The following OCA2 variants were observed in gnomAD, a reference collection of about 807,000 sequenced individuals.
The protein encoded by OCA2 is P protein.
In OCA2, 77 loss-of-function variants were observed where a neutral mutation model predicts 100.2. The observed-to-expected ratio is 0.77, with a 90% CI of 0.64 to 0.93. The LOEUF is 0.93. Among genes scored for constraint, OCA2 ranks in the 40% least tolerant of loss-of-function variants. The pLI, the probability that OCA2 is intolerant of heterozygous loss-of-function variation, is 0.00. For synonymous variants in OCA2, 432 were observed against 439.2 expected, an observed-to-expected ratio of 0.98 and a Z score of 0.21; for missense variants, 1,062 against 1,089.1, an observed-to-expected ratio of 0.98 and a Z score of 0.35.
At chr15:27,807,584 C>A (rs2033909384) in intron 23 of OCA2, among the ~76,000 whole-genome samples, 1 of 152,282 alleles carries the variant, frequency 6.6e-6, no homozygotes, top group South Asian at 2.1e-4. Flanking sequence ...GTGTCACATG[C>A]TCCTTTGCTT....
chr15:27,760,388 T>C (rs1049006511), intron 23 of OCA2, among the ~76,000 whole-genome samples: 1 of 151,644 alleles, frequency 6.6e-6, no homozygotes, highest in African/African-American at 2.4e-5. Flanking sequence ...TAATTTAAGT[T>C]CCCATCTTAA....
At chr15:27,816,894 C>CCACT (rs2034323604) in intron 23 of OCA2, among the ~76,000 whole-genome samples, 1 of 152,120 alleles carries the variant, frequency 6.6e-6, no homozygotes, top group Non-Finnish European at 1.5e-5. Context: ...CACTGCCCTC[C>CCACT]GGAGCCACCC....
intron 23 of OCA2, among the ~76,000 whole-genome samples, chr15:27,832,220 A>C (rs2034989048): frequency 6.6e-6 from 1 of 150,674 alleles, no homozygotes; most frequent in Non-Finnish European, 1.5e-5. Context: ...TCCAAACCCT[A>C]CCCCACTGGC....
chr15:28,024,962 G>A, intron 4 of OCA2, 60 bp from the exon 5 acceptor site: 1 of 1,520,954 alleles, frequency 6.6e-7, no homozygotes, highest in Non-Finnish European at 9.1e-7. Flanking sequence ...CCCAGACTCA[G>A]ACACTTTTCT....
At chr15:27,883,044 T>A (rs191873943) in intron 19 of OCA2, among the ~76,000 whole-genome samples, 5 of 152,262 alleles carry the variant, frequency 3.3e-5, no homozygotes, top group Non-Finnish European at 5.9e-5. Flanking sequence ...CTGAGGCTAG[T>A]GCAAGTTCAT....
chr15:27,884,207 C>T (rs925979886), intron 19 of OCA2, among the ~76,000 whole-genome samples: 28 of 152,236 alleles, frequency 1.8e-4, no homozygotes, highest in African/African-American at 6.5e-4. Context: ...TGTGGCGAAA[C>T]CTGTCTCTAC....
chr15:28,024,986 A>G (rs1190607139), intron 4 of OCA2, 84 bp from the exon 5 acceptor site: 1 of 1,232,932 alleles, frequency 8.1e-7, no homozygotes, highest in Non-Finnish European at 1.2e-6. Flanking sequence ...GCCTTGAGTA[A>G]CTTCCATCTC....
intron 23 of OCA2, among the ~76,000 whole-genome samples, chr15:27,834,162 G>A (rs756222714): frequency 2.0e-5 from 3 of 152,186 alleles, no homozygotes; most frequent in Non-Finnish European, 4.4e-5. Context: ...CCAATCCTCA[G>A]GGAGAGAACC....
At chr15:27,805,832 G>A (rs1024934239) in intron 23 of OCA2, among the ~76,000 whole-genome samples, 6 of 152,130 alleles carry the variant, frequency 3.9e-5, no homozygotes, top group Non-Finnish European at 8.8e-5. Context: ...GGCGGGAACA[G>A]CCAGAGCGAG....
chr15:27,824,602 C>CTCTCTCTCTATATATA lies in OCA2; in HGVS notation c.2432+20356_2432+20357insTATATATAGAGAGAGA. Among the ~76,000 whole-genome samples, 148 of 47,592 alleles carry CTCTCTCTCTATATATA rather than the reference C, an allele frequency of 3.1e-3. 5 individuals are homozygous for CTCTCTCTCTATATATA. The highest frequency in any genetic ancestry group is 0.01 in the African/African-American group (64 of 6,324). The allele number at this position is 47,592 out of a possible 152,430, so 31.2% of individuals were successfully genotyped here. ...TTTCTCTCTCTCTCTCTCTCTCTCT[C>CTCTCTCTCTATATATA]TATATATATATATATATATAATATA... On this transcript the variant is annotated intron_variant, in intron 23 of 23. Transcript: ENST00000354638.
At chr15:27,928,460 A>G (rs1355549136) in intron 18 of OCA2, among the ~76,000 whole-genome samples, 2 of 152,196 alleles carry the variant, frequency 1.3e-5, no homozygotes, top group Non-Finnish European at 2.9e-5. Flanking sequence ...CATGATTTTC[A>G]TAGGTCAGAG....
intron 18 of OCA2, chr15:27,950,602 T>C (rs2039994901): frequency 3.9e-6 from 2 of 507,764 alleles, no homozygotes; most frequent in African/African-American, 1.9e-5. Flanking sequence ...GAGAAAGAAA[T>C]GGAGGGGCTG....
At chr15:28,031,321 A>C (rs1306487626) in intron 3 of OCA2, among the ~76,000 whole-genome samples, 1 of 152,140 alleles carries the variant, frequency 6.6e-6, no homozygotes, top group Non-Finnish European at 1.5e-5. Context: ...GATATTTTTT[A>C]TTATTTCAGT....
chr15:27,801,617 G>GA, intron 23 of OCA2, among the ~76,000 whole-genome samples: 1 of 140,186 alleles, frequency 7.1e-6, no homozygotes, highest in East Asian at 2.1e-4. Context: ...AGTTTATCCA[G>GA]AAATGCAAGG....
intron 23 of OCA2, among the ~76,000 whole-genome samples, chr15:27,801,412 T>A (rs2033602850): frequency 6.6e-6 from 1 of 151,342 alleles, no homozygotes; most frequent in Non-Finnish European, 1.5e-5. Flanking sequence ...ATTAGCTGAG[T>A]GTGGCGGCAC....
At chr15:27,729,898 C>T in the OCA2 span, among the ~76,000 whole-genome samples, 194 of 152,328 alleles carry the variant, frequency 1.3e-3, no homozygotes, top group Non-Finnish European at 2.2e-3. Flanking sequence ...TGTGTTTCTA[C>T]TCTAGTGTAC....
intron 23 of OCA2, among the ~76,000 whole-genome samples, chr15:27,828,094 GT>G (rs1376898295): frequency 6.6e-6 from 1 of 152,156 alleles, no homozygotes; most frequent in Non-Finnish European, 1.5e-5. Flanking sequence ...GTGAAGTGAG[GT>G]TGGAGCACCT....
At chr15:28,064,775 T>C (rs550574910) in intron 2 of OCA2, among the ~76,000 whole-genome samples, 53 of 150,426 alleles carry the variant, frequency 3.5e-4, no homozygotes, top group Non-Finnish European at 6.6e-4. Flanking sequence ...ATTAATATGA[T>C]GTCTGGGCTT....
intron 1 of OCA2, among the ~76,000 whole-genome samples, chr15:28,098,047 G>T (rs1179459560): frequency 1.3e-5 from 2 of 152,172 alleles, no homozygotes; most frequent in African/African-American, 4.8e-5. Flanking sequence ...TGGTATTCCT[G>T]ATATCCTCAG....
Sources: allele counts gnomAD v4.1 joint callset (sites outside exome capture counted in the v4.1 genomes callset), GRCh38; gene constraint gnomAD v4.1.1; transcripts MANE v1.5; gene names NCBI Gene and HGNC (gene_info 2026-07-23, HGNC 2026-07-21).